Variants in CA2 observed in about 807,000 individuals in gnomAD.
The protein encoded by CA2 is carbonic anhydrase 2.
Under a neutral mutation model 27.8 loss-of-function variants are expected in CA2, and 23 were observed. That is an observed-to-expected ratio of 0.83 (90% CI 0.59 to 1.17). The LOEUF is 1.17. Ranked by LOEUF, CA2 falls within the 50% of genes most tolerant of loss-of-function variation. The pLI is 0.00. For missense variants in CA2, 300 were observed against 314.7 expected, an observed-to-expected ratio of 0.95 and a Z score of 0.35; for synonymous variants, 99 against 114.9, an observed-to-expected ratio of 0.86 and a Z score of 0.88.
At chr8:85,469,029 A>G (rs1811673850) in intron 2 of CA2, among the ~76,000 whole-genome samples, 1 of 152,202 alleles carries the variant, frequency 6.6e-6, no homozygotes, top group Admixed American at 6.5e-5. Flanking sequence ...AATTTTGAAT[A>G]AAAATATTTG....
chr8:85,465,194 C>T (rs1005755019), intron 1 of CA2, 78 bp from the exon 2 acceptor site: 1 of 1,223,788 alleles, frequency 8.2e-7, no homozygotes, highest in Non-Finnish European at 1.2e-6. Context: ...AGATTGGCTC[C>T]GGAATGATTG....
intron 2 of CA2, among the ~76,000 whole-genome samples, chr8:85,466,665 C>T (rs71522999): frequency 2.6e-3 from 193 of 73,054 alleles, no homozygotes; most frequent in Non-Finnish European, 3.6e-3. Flanking sequence ...CCAGTACACA[C>T]ATACATACAT....
chr8:85,479,991 A>C (rs1167737013), intron 6 of CA2, among the ~76,000 whole-genome samples: 2 of 152,214 alleles, frequency 1.3e-5, no homozygotes, highest in East Asian at 3.9e-4. Context: ...GCAGAAAACA[A>C]AGCTTTAATT....
At chr8:85,470,033 G>A (rs750596516) in intron 2 of CA2, among the ~76,000 whole-genome samples, 8 of 152,138 alleles carry the variant, frequency 5.3e-5, no homozygotes, top group Non-Finnish European at 8.8e-5. Context: ...GGTGTCAGCC[G>A]AACCTTAAAT....
At chr8:85,469,908 C>A (rs972293019) in intron 2 of CA2, among the ~76,000 whole-genome samples, 10 of 152,142 alleles carry the variant, frequency 6.6e-5, no homozygotes, top group African/African-American at 2.4e-4. Context: ...ATACATGGAT[C>A]CTGCTTGACT....
chr8:85,476,720 A>C (rs1248939851), intron 5 of CA2, among the ~76,000 whole-genome samples: 1 of 152,160 alleles, frequency 6.6e-6, no homozygotes, highest in Non-Finnish European at 1.5e-5. Context: ...TCTGACCTAG[A>C]GCAAGAAAAT....
intron 1 of CA2, 58 bp downstream of exon 1, chr8:85,464,173 A>G (rs1811580613): frequency 1.4e-6 from 2 of 1,472,450 alleles, no homozygotes; most frequent in South Asian, 1.2e-5. Flanking sequence ...CCGATCCCCG[A>G]TCCCCGAGCC....
At position 85,468,714 on chromosome 8, in the gene CA2, C is replaced by T. The variant is rs756199919; in HGVS notation, c.232+3245C>T. 1.8e-4 allele frequency among the ~76,000 whole-genome samples: 28 copies of T among 152,138 alleles called. 1 individual carries two copies. The highest frequency in any genetic ancestry group is 6.8e-3 in the Middle Eastern group (2 of 294). On this transcript the variant is annotated intron_variant, in intron 2 of 6. Coordinates refer to ENST00000285379, the MANE Select transcript of CA2 (RefSeq NM_000067.3). ...GGCGGAGGTCGCAGTGAGCCGAGAC[C>T]GCACCACTGCACTCCAGCCTGGTGA... is the stretch of plus-strand genomic sequence containing the variant.
intron 4 of CA2, chr8:85,474,651 T>C: frequency 1.9e-6 from 1 of 533,732 alleles, no homozygotes. Flanking sequence ...GTGAAGAACA[T>C]AAAGAGATCA....
chr8:85,466,511 T>G (rs1811633313), intron 2 of CA2, among the ~76,000 whole-genome samples: 1 of 152,088 alleles, frequency 6.6e-6, no homozygotes, highest in Non-Finnish European at 1.5e-5. Context: ...AAAAGAATTC[T>G]TCCCTCCTTT....
intron 4 of CA2, chr8:85,474,630 T>C: frequency 1.8e-6 from 1 of 571,064 alleles, no homozygotes; most frequent in Non-Finnish European, 3.1e-6. Context: ...TGGTACCTTT[T>C]GGATGTAAAT....
In CA2 at chr8:85,475,828, G is replaced by T. The variant is rs1811790030; in HGVS notation, c.475G>T (p.Val159Phe). The T allele has an allele frequency of 6.2e-7, 1 of 1,614,102 alleles. No homozygotes were observed. Among genetic ancestry groups the T allele is most frequent in the African/African-American group, 1.3e-5 (1 of 75,044 alleles). Residue 159 changes from valine to phenylalanine, a missense_variant, in exon 5 of 7, where the codon GTT (valine) becomes TTT (phenylalanine). Val to Phe is a conservative substitution (Grantham distance 50, BLOSUM62 -1). This residue lies in a region of CA2 where 173 missense variants were observed against 161.0 expected (regional missense o/e 1.07). Transcript: ENST00000285379. ...CAGCGCTAAACCGGGCCTTCAGAAA[G>T]TTGTTGATGTGCTGGATTCCATTAA... Reference protein sequence around the residue: ...VGSAKPGLQKVVDVLDSIKTK... With the variant: ...VGSAKPGLQKFVDVLDSIKTK...
Position 85,465,268 on chromosome 8 carries a change from C to A in CA2, c.35-4C>A. On this transcript the variant is annotated splice_polypyrimidine_tract_variant and splice_region_variant and intron_variant, in intron 1 of 6. Transcript: ENST00000285379. ...GGGGGATTCACATGTCTTCTTTCCC[C>A]CAGGACCTGAGCACTGGCATAAGGA... The A allele has an allele frequency of 6.2e-7, 1 of 1,613,468 alleles. No individual in the cohort carries two copies.
chr8:85,477,971 A>G (rs768581892), intron 6 of CA2, among the ~76,000 whole-genome samples: 17 of 152,238 alleles, frequency 1.1e-4, no homozygotes, highest in Admixed American at 4.6e-4. Context: ...TAATTTAAGG[A>G]TAGCTTTAGG....
chr8:85,474,172 T>C (rs954060586), intron 3 of CA2, 152 bp from the exon 4 acceptor site: 7 of 712,278 alleles, frequency 9.8e-6, no homozygotes, highest in African/African-American at 1.8e-5. Flanking sequence ...TGTGGATGAT[T>C]AGAATTAAAA....
At chr8:85,471,258 T>C (rs1811709506) in intron 2 of CA2, among the ~76,000 whole-genome samples, 1 of 152,120 alleles carries the variant, frequency 6.6e-6, no homozygotes, top group African/African-American at 2.4e-5. Context: ...TTAATAACAT[T>C]TTCTAGTTAC....
chr8:85,465,204 G>A (rs1811608263), intron 1 of CA2, 68 bp from the exon 2 acceptor site: 1 of 1,288,336 alleles, frequency 7.8e-7, no homozygotes, highest in Non-Finnish European at 1.1e-6. Flanking sequence ...CGGAATGATT[G>A]CTCTTCTCTA....
At chr8:85,465,228 AC>A in intron 1 of CA2, 43 bp from the exon 2 acceptor site, 1 of 1,490,140 alleles carries the variant, frequency 6.7e-7, no homozygotes, top group South Asian at 1.1e-5. Context: ...GTCTGGGTGT[AC>A]CTTTCCCCAC....
chr8:85,474,108 A>T, intron 3 of CA2: 1 of 614,022 alleles, frequency 1.6e-6, no homozygotes, highest in Non-Finnish European at 2.9e-6. Context: ...AAAACTGTAC[A>T]TTTATTTGTC....
Sources: gnomAD v4.1 joint callset for allele counts (sites outside exome capture counted in the v4.1 genomes callset) on GRCh38, gnomAD v4.1.1 for gene constraint, gnomAD v4.1.1 regional missense constraint, MANE v1.5 for transcripts, NCBI Gene and HGNC (gene_info 2026-07-23, HGNC 2026-07-21) for gene names.